Variants in TSHZ3 observed in about 807,000 individuals in gnomAD.
TSHZ3 encodes teashirt homolog 3.
TSHZ3 carries 10 observed loss-of-function variants against 64.5 expected under a neutral mutation model. That is an observed-to-expected ratio of 0.16 (90% CI 0.10 to 0.26). TSHZ3 has a LOEUF of 0.26. TSHZ3 is among the 10% of genes least tolerant of loss of function. The pLI, the probability that TSHZ3 is intolerant of heterozygous loss-of-function variation, is 1.00. For synonymous variants in TSHZ3, 608 were observed against 593.1 expected (o/e 1.03, Z -0.36); for missense variants, 1,242 against 1,421.7 (o/e 0.87, Z 2.03).
intron 1 of TSHZ3, among the ~76,000 whole-genome samples, chr19:31,253,709 T>C (rs1975872371): frequency 1.3e-5 from 2 of 152,066 alleles, no homozygotes; most frequent in Non-Finnish European, 2.9e-5. Flanking sequence ...CATGCATGGG[T>C]ACGCTTTCCT....
intron 3 of TSHZ3, among the ~76,000 whole-genome samples, chr19:31,234,452 T>C (rs1312543368): frequency 3.3e-5 from 5 of 152,234 alleles, no homozygotes; most frequent in Non-Finnish European, 7.4e-5. Flanking sequence ...CTTTGTCTTA[T>C]TCCCAGTCTT....
intron 5 of TSHZ3, among the ~76,000 whole-genome samples, chr19:31,201,808 A>T (rs932207098): frequency 3.3e-5 from 5 of 152,226 alleles, no homozygotes; most frequent in Non-Finnish European, 7.3e-5. Context: ...AATGTTAGAA[A>T]GCACTGAGAT....
At chr19:31,280,122 C>T (rs1214626973) in intron 1 of TSHZ3, among the ~76,000 whole-genome samples, 1 of 152,130 alleles carries the variant, frequency 6.6e-6, no homozygotes, top group Non-Finnish European at 1.5e-5. Flanking sequence ...GACAGCAGTT[C>T]CTGTCTGTCA....
intron 1 of TSHZ3, among the ~76,000 whole-genome samples, chr19:31,292,112 T>C (rs1372246969): frequency 2.6e-5 from 4 of 152,228 alleles, no homozygotes; most frequent in Admixed American, 6.5e-5. Context: ...TTTTACCTTT[T>C]ATTCTACAAA....
In TSHZ3 at chr19:31,165,690, G is replaced by T. The variant is rs112227049; in HGVS notation, n.810-9273C>A. 3.3e-5 allele frequency among the ~76,000 whole-genome samples: 5 copies of T among 152,214 alleles called. No individual in the cohort carries two copies. The East Asian group carries it at 9.7e-4, about 29-fold the overall frequency. On this transcript the variant is annotated intron_variant and non_coding_transcript_variant, in intron 5 of 6. Coordinates refer to the TSHZ3 transcript ENST00000651361. ...CCAATATTGTAAACTCTGTGGGTGGGTATTTGTGTGTGTCCCCGAATCAGA... is the reference window on the plus strand; with the variant it reads ...CCAATATTGTAAACTCTGTGGGTGGTTATTTGTGTGTGTCCCCGAATCAGA...
At chr19:31,250,369 C>T (rs891729743) in intron 1 of TSHZ3, among the ~76,000 whole-genome samples, 6 of 152,178 alleles carry the variant, frequency 3.9e-5, no homozygotes, top group East Asian at 1.9e-4. Flanking sequence ...AATCCTCACC[C>T]GCTCATTCAT....
At chr19:31,163,710 G>C (rs1349882339) in intron 5 of TSHZ3, among the ~76,000 whole-genome samples, 2 of 152,180 alleles carry the variant, frequency 1.3e-5, no homozygotes, top group Non-Finnish European at 2.9e-5. Flanking sequence ...CAATCTGGGT[G>C]ACAGAATGGA....
intron 5 of TSHZ3, among the ~76,000 whole-genome samples, chr19:31,180,912 G>A (rs1450339465): frequency 6.6e-6 from 1 of 152,110 alleles, no homozygotes; most frequent in Non-Finnish European, 1.5e-5. Flanking sequence ...ACTGATAAAG[G>A]TAAGCAGCTT....
chr19:31,181,518 G>A (rs1305636498), intron 5 of TSHZ3, among the ~76,000 whole-genome samples: 6 of 152,170 alleles, frequency 3.9e-5, no homozygotes, highest in Non-Finnish European at 7.3e-5. Context: ...GAGAACCACC[G>A]TAGTGGCTTG....
intron 1 of TSHZ3, among the ~76,000 whole-genome samples, chr19:31,265,135 G>A (rs1976033403): frequency 6.6e-6 from 1 of 152,032 alleles, no homozygotes; most frequent in African/African-American, 2.4e-5. Flanking sequence ...AGTGGATCAT[G>A]CCTGTAATCC....
At chr19:31,205,612 T>C (rs1411344628) in intron 4 of TSHZ3, among the ~76,000 whole-genome samples, 1 of 152,226 alleles carries the variant, frequency 6.6e-6, no homozygotes, top group Non-Finnish European at 1.5e-5. Flanking sequence ...CATGTGAAGA[T>C]GAGTCTCAAC....
In TSHZ3 at chr19:31,278,402, G is replaced by A; in HGVS notation, c.1391C>T (p.Pro464Leu). 3.1e-6 allele frequency: 5 copies of A among 1,614,114 alleles called. No individual in the cohort carries two copies. The highest frequency in any genetic ancestry group is 4.2e-6 in the Non-Finnish European group (5 of 1,180,028). The change falls in exon 2 of 2, where the codon CCA (proline) becomes CTA (leucine). Residue 464 changes from proline (P) to leucine (L), a missense_variant. Pro to Leu is a moderately conservative substitution (Grantham distance 98, BLOSUM62 -3). Around this residue, in one of 4 missense-constraint regions of TSHZ3, gnomAD observed 555 missense variants for 704.0 expected, o/e 0.79. Coordinates refer to ENST00000240587, the MANE Select transcript of TSHZ3 (RefSeq NM_020856.4). The surrounding 1 kb of genome is among the most constrained non-coding windows in gnomAD (Gnocchi z 4.7). ...SPSNTPASIS[P>L]KLNVEVKKEV... Reference sequence around the variant, plus strand: ...CTTCTTGACCTCCACATTCAGTTTTGGGGAGATGCTGGCAGGTGTATTGGA... The same window carrying A: ...CTTCTTGACCTCCACATTCAGTTTTAGGGAGATGCTGGCAGGTGTATTGGA...
intron 1 of TSHZ3, among the ~76,000 whole-genome samples, chr19:31,340,436 A>G: frequency 6.6e-6 from 1 of 150,914 alleles, no homozygotes; most frequent in East Asian, 2.0e-4. Flanking sequence ...CTGAAAAAAA[A>G]TAATTCCCAG....
chr19:31,307,143 A>T (rs1916322861), intron 1 of TSHZ3, among the ~76,000 whole-genome samples: 2 of 152,224 alleles, frequency 1.3e-5, no homozygotes, highest in South Asian at 4.1e-4. Flanking sequence ...CTTGAGGAAA[A>T]AAAAATGCAT....
At chr19:31,175,723 A>G (rs1173583787) in intron 5 of TSHZ3, among the ~76,000 whole-genome samples, 2 of 152,012 alleles carry the variant, frequency 1.3e-5, no homozygotes, top group East Asian at 3.9e-4. Flanking sequence ...CCTCAGATGG[A>G]ACAGCTGTGT....
In TSHZ3 at chr19:31,275,428, T is replaced by A. The variant is rs1180529359; in HGVS notation, c.*1119A>T. 7.2e-6 allele frequency: 1 copy of A among 139,622 alleles called. No individual in the cohort carries two copies. The highest frequency in any genetic ancestry group is 1.6e-5 in the Non-Finnish European group (1 of 62,184). 8.6% of individuals were successfully genotyped at this position (139,622 alleles called of 1,614,324 possible). A position where few individuals can be genotyped will look rare whatever the true frequency, so the allele number is the denominator to read the frequency against. On this transcript the variant is annotated 3_prime_UTR_variant, in exon 2 of 2. Coordinates refer to ENST00000240587, the MANE Select transcript of TSHZ3 (RefSeq NM_020856.4). ...AATGTTTAGGAAATACAGTACAAGT[T>A]CTTTTTTTTTTTTTGTTCTTTTTTT... is the stretch of plus-strand genomic sequence containing the variant.
chr19:31,295,265 C>T (rs1251717297), intron 1 of TSHZ3, among the ~76,000 whole-genome samples: 1 of 152,246 alleles, frequency 6.6e-6, no homozygotes, highest in Non-Finnish European at 1.5e-5. Context: ...GAAAGCTACA[C>T]TTACACATAC....
intron 1 of TSHZ3, among the ~76,000 whole-genome samples, chr19:31,298,115 C>G (rs1418342975): frequency 6.6e-6 from 1 of 152,128 alleles, no homozygotes. Context: ...TGTCTCTTGG[C>G]TTCCCTTGCA....
At chr19:31,297,894 G>C (rs73035754) in intron 1 of TSHZ3, among the ~76,000 whole-genome samples, 1 of 152,086 alleles carries the variant, frequency 6.6e-6, no homozygotes, top group African/African-American at 2.4e-5. Flanking sequence ...GCCCTAATGC[G>C]TACTCACAGG....
Sources: allele counts gnomAD v4.1 joint callset (sites outside exome capture counted in the v4.1 genomes callset), GRCh38; gene constraint gnomAD v4.1.1; regional missense constraint gnomAD v4.1.1; non-coding constraint Gnocchi (gnomAD v3.1); transcripts MANE v1.5; gene names NCBI Gene and HGNC (gene_info 2026-07-23, HGNC 2026-07-21).